SLC5A4: variants seen among roughly 807,000 people sequenced by gnomAD.
SLC5A4 encodes the protein probable glucose sensor protein SLC5A4.
A neutral mutation model predicts 70.3 loss-of-function variants in SLC5A4; 55 were observed. The observed-to-expected ratio is 0.78, with a 90% confidence interval of 0.63 to 0.98. The LOEUF is 0.98. Among genes scored for constraint, SLC5A4 ranks in the 50% least tolerant of loss-of-function variants. The probability of loss-of-function intolerance (pLI) is 0.00; values close to 1 mark genes in which losing one functional copy is unlikely to be tolerated. For synonymous variants in SLC5A4, 268 were observed against 305.7 expected (o/e 0.88, Z 1.29); for missense variants, 735 against 839.2 (o/e 0.88, Z 1.53).
At chr22:32,350,368 C>T in the SLC5A4 span, among the ~76,000 whole-genome samples, 4 of 152,184 alleles carry the variant, frequency 2.6e-5, no homozygotes, top group African/African-American at 9.6e-5. Flanking sequence ...GCTAACACTA[C>T]GCCCAGTCAC....
chr22:32,325,695 C>G, the SLC5A4 span, among the ~76,000 whole-genome samples: 2 of 152,246 alleles, frequency 1.3e-5, no homozygotes, highest in Admixed American at 1.3e-4. Context: ...GGCACTGTGC[C>G]AAGCACTTCC....
chr22:32,232,585 C>T (rs928096762), intron 9 of SLC5A4, among the ~76,000 whole-genome samples: 1 of 152,054 alleles, frequency 6.6e-6, no homozygotes, highest in Non-Finnish European at 1.5e-5. Flanking sequence ...CAAATTAACC[C>T]AATTCTACCT....
the SLC5A4 span, among the ~76,000 whole-genome samples, chr22:32,332,259 C>G: frequency 6.6e-6 from 1 of 152,238 alleles, no homozygotes; most frequent in African/African-American, 2.4e-5. Flanking sequence ...TGGCCCTGCA[C>G]AGTCAGACCT....
chr22:32,253,668 A>T (rs1365462649), intron 2 of SLC5A4, among the ~76,000 whole-genome samples: 1 of 152,202 alleles, frequency 6.6e-6, no homozygotes, highest in Non-Finnish European at 1.5e-5. Flanking sequence ...ACATATTGTA[A>T]TGTCCTGGAA....
the SLC5A4 span, among the ~76,000 whole-genome samples, chr22:32,322,089 G>C: frequency 1.3e-5 from 2 of 152,222 alleles, no homozygotes; most frequent in Non-Finnish European, 1.5e-5. Context: ...CACAGCCACT[G>C]ATGTTGGAGC....
At chr22:32,297,400 G>C in the SLC5A4 span, among the ~76,000 whole-genome samples, 1 of 151,298 alleles carries the variant, frequency 6.6e-6, no homozygotes, top group Non-Finnish European at 1.5e-5. Flanking sequence ...ACGTGTCCAG[G>C]AATTTATCCA....
the SLC5A4 span, among the ~76,000 whole-genome samples, chr22:32,311,035 G>C: frequency 6.6e-6 from 1 of 152,174 alleles, no homozygotes; most frequent in Non-Finnish European, 1.5e-5. Flanking sequence ...TGCCTGGAAT[G>C]CTCTTTTCCT....
At chr22:32,329,551 G>A in the SLC5A4 span, among the ~76,000 whole-genome samples, 1 of 149,600 alleles carries the variant, frequency 6.7e-6, no homozygotes, top group African/African-American at 2.4e-5. Context: ...GTCTGTTGAG[G>A]GGCTCTGGTG....
the SLC5A4 span, among the ~76,000 whole-genome samples, chr22:32,319,341 T>A: frequency 6.6e-6 from 1 of 152,014 alleles, no homozygotes; most frequent in African/African-American, 2.4e-5. Flanking sequence ...ACACTGGAAC[T>A]CACACCATCA....
the SLC5A4 span, among the ~76,000 whole-genome samples, chr22:32,290,223 G>A: frequency 0.48 from 73,327 of 151,730 alleles, 17,840 homozygotes; most frequent in Admixed American, 0.52. Context: ...TGCATTAGGT[G>A]TTTGTCCTAA....
At chr22:32,261,236 A>G in the SLC5A4 span, among the ~76,000 whole-genome samples, 3 of 152,216 alleles carry the variant, frequency 2.0e-5, no homozygotes, top group African/African-American at 7.2e-5. Flanking sequence ...CCACACCCCA[A>G]GAGCTGGCTG....
At chr22:32,284,044 A>G in the SLC5A4 span, among the ~76,000 whole-genome samples, 4 of 152,236 alleles carry the variant, frequency 2.6e-5, no homozygotes, top group African/African-American at 7.2e-5. Flanking sequence ...TCCCCCCTCA[A>G]TAAAACCCTC....
chr22:32,255,784 C>A (rs1927450671), upstream of SLC5A4, among the ~76,000 whole-genome samples: 1 of 152,164 alleles, frequency 6.6e-6, no homozygotes. Flanking sequence ...GTGAATTATG[C>A]CTTTCGTGGA....
At chr22:32,265,741 G>A in the SLC5A4 span, among the ~76,000 whole-genome samples, 1 of 152,202 alleles carries the variant, frequency 6.6e-6, no homozygotes, top group African/African-American at 2.4e-5. Context: ...GCGGGAGGGA[G>A]AGGAACGAGA....
the SLC5A4 span, among the ~76,000 whole-genome samples, chr22:32,266,855 A>G: frequency 6.6e-6 from 1 of 152,232 alleles, no homozygotes; most frequent in African/African-American, 2.4e-5. Context: ...TGCAGAAAAA[A>G]TATTTTTATG....
At chr22:32,346,892 G>A in the SLC5A4 span, among the ~76,000 whole-genome samples, 1 of 150,298 alleles carries the variant, frequency 6.7e-6, no homozygotes, top group Non-Finnish European at 1.5e-5. Context: ...CACAGCAAAA[G>A]AAACTACCAT....
chr22:32,304,299 TG>T, the SLC5A4 span, among the ~76,000 whole-genome samples: 8 of 151,740 alleles, frequency 5.3e-5, no homozygotes, highest in African/African-American at 9.7e-5. Flanking sequence ...GCTATTTTTG[TG>T]GGGTTTTTTT....
chr22:32,237,448 C>T (rs1241425316), intron 6 of SLC5A4, 124 bp from the exon 7 acceptor site: 2 of 610,634 alleles, frequency 3.3e-6, no homozygotes, highest in Non-Finnish European at 5.7e-6. Context: ...TCAAAAGCTC[C>T]TGGGTGAGCC....
At chr22:32,316,398 G>A in the SLC5A4 span, among the ~76,000 whole-genome samples, 1 of 152,152 alleles carries the variant, frequency 6.6e-6, no homozygotes, top group African/African-American at 2.4e-5. Context: ...ACTGTGTGAG[G>A]GTGAAGGATG....
Sources: gnomAD v4.1 joint callset for allele counts (sites outside exome capture counted in the v4.1 genomes callset) on GRCh38, gnomAD v4.1.1 for gene constraint, MANE v1.5 for transcripts, NCBI Gene and HGNC (gene_info 2026-07-23, HGNC 2026-07-21) for gene names.